PARP8: variants seen among roughly 807,000 people sequenced by gnomAD.
The protein encoded by PARP8 is protein mono-ADP-ribosyltransferase PARP8.
Under a neutral mutation model 124.1 loss-of-function variants are expected in PARP8, and 51 were observed. The ratio of observed to expected loss-of-function variants is 0.41; its 90% CI spans 0.33 to 0.52. PARP8 has a LOEUF of 0.52. Ranked by LOEUF, PARP8 falls within the 20% of genes least tolerant of loss-of-function variation. The pLI is 0.21. For synonymous variants in PARP8, 391 were observed against 361.5 expected (o/e 1.08, Z -0.93); for missense variants, 860 against 1,018.9 (o/e 0.84, Z 2.12).
At chr5:50,674,411 C>T (rs1400024752) in intron 2 of PARP8, among the ~76,000 whole-genome samples, 1 of 152,236 alleles carries the variant, frequency 6.6e-6, no homozygotes, top group Non-Finnish European at 1.5e-5. Context: ...CATCCCATGT[C>T]AACATTTAGC....
chr5:50,729,844 A>C (rs972497426), intron 2 of PARP8, among the ~76,000 whole-genome samples: 2 of 152,210 alleles, frequency 1.3e-5, no homozygotes, highest in African/African-American at 4.8e-5. Flanking sequence ...AAAGGAAAAA[A>C]GTATACATTA....
chr5:50,747,094 G>T (rs1234787434), intron 2 of PARP8, among the ~76,000 whole-genome samples: 1 of 143,232 alleles, frequency 7.0e-6, no homozygotes, highest in Non-Finnish European at 1.5e-5. Context: ...AACTTGGTCT[G>T]TTTACTAATC....
At chr5:50,689,031 GAT>G (rs1561247336) in intron 2 of PARP8, among the ~76,000 whole-genome samples, 14 of 99,784 alleles carry the variant, frequency 1.4e-4, no homozygotes, top group Middle Eastern at 6.6e-3. Context: ...TTTTTTTTTT[GAT>G]TTTTTTTTTT....
At chr5:50,750,060 T>C in intron 2 of PARP8, 91 bp from the exon 3 acceptor site, 1 of 969,682 alleles carries the variant, frequency 1.0e-6, no homozygotes, top group Non-Finnish European at 1.6e-6. Flanking sequence ...TATAACTGAA[T>C]GGGTAACATG....
chr5:50,811,126 G>T (rs1744388187), intron 14 of PARP8, among the ~76,000 whole-genome samples: 2 of 152,074 alleles, frequency 1.3e-5, no homozygotes, highest in South Asian at 2.1e-4. Context: ...ATGGAAGAGG[G>T]TTACTTTTAA....
At chr5:50,819,232 A>G (rs539040501) in intron 15 of PARP8, among the ~76,000 whole-genome samples, 102 of 152,224 alleles carry the variant, frequency 6.7e-4, no homozygotes, top group Non-Finnish European at 1.3e-3. Context: ...TATTCTACCA[A>G]TTAAATTTAC....
At position 50,844,797 on chromosome 5, in the gene PARP8, T is replaced by G. The variant is rs1404267810; in HGVS notation, c.*2729T>G. 2.0e-5 allele frequency: 3 copies of G among 151,646 alleles called. No individual in the cohort carries two copies. Among genetic ancestry groups the G allele is most frequent in the African/African-American group, 7.2e-5 (3 of 41,388 alleles). The allele number at this position is 151,646 out of a possible 1,614,324, so 9.4% of individuals were successfully genotyped here. ...AAACATTTTACTATGAATAATCTGT[T>G]CTCTTTCACTGTATTAAAAGGAGAA... On this transcript the variant is annotated 3_prime_UTR_variant, in exon 26 of 26. Transcript: ENST00000281631.
At chr5:50,825,504 G>A (rs1265609281) in intron 18 of PARP8, among the ~76,000 whole-genome samples, 1 of 152,154 alleles carries the variant, frequency 6.6e-6, no homozygotes, top group African/African-American at 2.4e-5. Context: ...TGTTACCCCA[G>A]CATGAATTCT....
chr5:50,796,830 GTT>G (rs1259525842), intron 12 of PARP8, 150 bp from the exon 13 acceptor site: 10 of 670,648 alleles, frequency 1.5e-5, no homozygotes, highest in Admixed American at 6.9e-5. Context: ...GAATAAAAAA[GTT>G]TTTAATTTTG....
intron 14 of PARP8, among the ~76,000 whole-genome samples, chr5:50,802,439 C>T (rs1403312382): frequency 6.6e-6 from 1 of 152,112 alleles, no homozygotes; most frequent in Non-Finnish European, 1.5e-5. Flanking sequence ...TTGCATCACC[C>T]TCGCAAGTAA....
At chr5:50,759,269 C>G (rs1435114218) in intron 3 of PARP8, among the ~76,000 whole-genome samples, 1 of 152,046 alleles carries the variant, frequency 6.6e-6, no homozygotes, top group Admixed American at 6.6e-5. Context: ...TCAGTTTTCT[C>G]TCTCCACTCA....
At chr5:50,726,937 A>G (rs1254346052) in intron 2 of PARP8, among the ~76,000 whole-genome samples, 1 of 152,118 alleles carries the variant, frequency 6.6e-6, no homozygotes, top group African/African-American at 2.4e-5. Flanking sequence ...GAAATAACCC[A>G]AAGATTGTGT....
chr5:50,707,924 A>G (rs1754331219), intron 2 of PARP8, among the ~76,000 whole-genome samples: 1 of 151,958 alleles, frequency 6.6e-6, no homozygotes, highest in Non-Finnish European at 1.5e-5. Context: ...TCTTTCTTAC[A>G]TTTCCTTACC....
intron 2 of PARP8, among the ~76,000 whole-genome samples, chr5:50,713,590 T>C (rs1580064197): frequency 6.6e-6 from 1 of 152,196 alleles, no homozygotes; most frequent in South Asian, 2.1e-4. Flanking sequence ...AATCTGATAA[T>C]ATAATGTGGT....
Position 50,681,001 on chromosome 5 carries a change from A to T in PARP8, c.146+12876A>T, listed in dbSNP as rs183827062. 2.9e-3 allele frequency among the ~76,000 whole-genome samples: 446 copies of T among 152,266 alleles called. 5 individuals are homozygous for T. The highest frequency in any genetic ancestry group is 0.01 in the African/African-American group (427 of 41,578). On this transcript the variant is annotated intron_variant, in intron 2 of 25. Transcript: ENST00000281631. ...TGCAAGTGGTTAAGATTTTATGCTT[A>T]TGAATTCAAAAGATAGACTTTAGTT...
In PARP8 at chr5:50,794,335, T is replaced by C. The variant is rs757827545; in HGVS notation, c.863+3T>C. 6.2e-7 allele frequency: 1 copy of C among 1,612,548 alleles called. No individual in the cohort carries two copies. On this transcript the variant is annotated splice_donor_region_variant and intron_variant, in intron 11 of 25. Coordinates refer to ENST00000281631, the MANE Select transcript of PARP8 (RefSeq NM_024615.4). ...CATTTATTTTCTACTTTGCGCAGGT[T>C]GGTAACAGGCAACTTCGTCATTGTC...
In PARP8 at chr5:50,795,132, G is replaced by A. The variant is rs777257327; in HGVS notation, c.1143G>A (p.Ser381=). The A allele has an allele frequency of 2.0e-5, 33 of 1,614,024 alleles. No homozygotes were observed. Among genetic ancestry groups the A allele is most frequent in the Admixed American group, 3.3e-5 (2 of 60,002 alleles). The change falls in exon 12 of 26, where the codon TCG becomes TCA. Residue 381 remains serine, a synonymous_variant. Coordinates refer to ENST00000281631, the MANE Select transcript of PARP8 (RefSeq NM_024615.4). ...VKSEECLTLK[S]HRLLTRSCSG... ...CAGAGGAATGCCTAACTCTAAAGTC[G>A]CATAGACTATTGACTCGATCTTGTT... is the stretch of plus-strand genomic sequence containing the variant.
chr5:50,758,701 A>C (rs1447019082), intron 3 of PARP8, among the ~76,000 whole-genome samples: 1 of 152,192 alleles, frequency 6.6e-6, no homozygotes, highest in East Asian at 1.9e-4. Context: ...ATTATTAATG[A>C]ATTGATGAAG....
intron 7 of PARP8, among the ~76,000 whole-genome samples, chr5:50,774,344 C>T (rs79835169): frequency 0.035 from 5,293 of 152,308 alleles, 123 homozygotes; most frequent in Non-Finnish European, 0.052. Context: ...TCTCGATGGT[C>T]ACTGTCTCTT....
Sources: gnomAD v4.1 joint callset for allele counts (sites outside exome capture counted in the v4.1 genomes callset) on GRCh38, gnomAD v4.1.1 for gene constraint, MANE v1.5 for transcripts, NCBI Gene and HGNC (gene_info 2026-07-23, HGNC 2026-07-21) for gene names.